Variants in ARSB observed in about 807,000 individuals in gnomAD.
The protein encoded by ARSB is arylsulfatase B, also known as N-acetylgalactosamine-4-sulfatase.
Under a neutral mutation model 50.9 loss-of-function variants are expected in ARSB, and 41 were observed. That is an observed-to-expected ratio of 0.81 (90% CI 0.63 to 1.04). The LOEUF is 1.04. Among genes scored for constraint, ARSB ranks in the 50% least tolerant of loss-of-function variants. The probability of loss-of-function intolerance (pLI) is 0.00; values close to 1 mark genes in which losing one functional copy is unlikely to be tolerated. For synonymous variants in ARSB, 269 were observed against 284.8 expected (o/e 0.94, Z 0.56); for missense variants, 672 against 693.3 (o/e 0.97, Z 0.35).
intron 6 of ARSB, among the ~76,000 whole-genome samples, chr5:78,808,840 C>T (rs977227581): frequency 1.1e-4 from 17 of 152,202 alleles, no homozygotes; most frequent in African/African-American, 3.6e-4. Context: ...CCTGGGCTCC[C>T]TCTGCTCGGG....
At chr5:78,851,272 C>T (rs1380602198) in intron 5 of ARSB, among the ~76,000 whole-genome samples, 2 of 152,184 alleles carry the variant, frequency 1.3e-5, no homozygotes, top group South Asian at 2.1e-4. Context: ...TTTGTTCTCG[C>T]TGGTTTCAAA....
At chr5:78,844,355 A>G (rs1180250240) in intron 5 of ARSB, among the ~76,000 whole-genome samples, 1 of 152,100 alleles carries the variant, frequency 6.6e-6, no homozygotes, top group Non-Finnish European at 1.5e-5. Context: ...AGAAATGTCT[A>G]TTCAGATCAT....
Position 78,805,781 on chromosome 5 carries a change from T to C in ARSB, c.1214-23807A>G, listed in dbSNP as rs113139193. Among the ~76,000 whole-genome samples the C allele has an allele frequency of 6.5e-3, 994 of 152,310 alleles. 13 individuals are homozygous for C. The highest frequency in any genetic ancestry group is 0.022 in the African/African-American group (895 of 41,572). On this transcript the variant is annotated intron_variant, in intron 6 of 7. Coordinates refer to ENST00000264914, the MANE Select transcript of ARSB (RefSeq NM_000046.5). The stretch of plus-strand genomic sequence containing the variant: ...TCGACTGAGCAGCCGGGTGGCTCTG[T>C]GGGTTCCGGGGCACAGTCACACTTA...
intron 5 of ARSB, among the ~76,000 whole-genome samples, chr5:78,856,402 A>G (rs1746144318): frequency 1.3e-5 from 2 of 152,260 alleles, no homozygotes; most frequent in Non-Finnish European, 2.9e-5. Context: ...CTGGTTTCCC[A>G]GAAAGTATCT....
At chr5:78,804,780 G>A (rs1045721736) in intron 6 of ARSB, among the ~76,000 whole-genome samples, 1 of 152,136 alleles carries the variant, frequency 6.6e-6, no homozygotes, top group African/African-American at 2.4e-5. Flanking sequence ...CCCAGCTCCC[G>A]GACAGTGGCC....
At chr5:78,865,779 T>C (rs1343475724) in intron 5 of ARSB, among the ~76,000 whole-genome samples, 2 of 152,142 alleles carry the variant, frequency 1.3e-5, no homozygotes, top group Non-Finnish European at 2.9e-5. Context: ...ATCATCTCTC[T>C]CAAATTCAAA....
At chr5:78,799,098 C>T (rs746071148) in intron 6 of ARSB, among the ~76,000 whole-genome samples, 1 of 152,166 alleles carries the variant, frequency 6.6e-6, no homozygotes, top group Non-Finnish European at 1.5e-5. Flanking sequence ...TTTCTCTTTC[C>T]AATGAAAACT....
intron 6 of ARSB, among the ~76,000 whole-genome samples, chr5:78,792,688 A>G (rs1743012215): frequency 1.3e-5 from 2 of 152,230 alleles, no homozygotes; most frequent in African/African-American, 4.8e-5. Context: ...CCATAAGTGC[A>G]CGGATTCTGG....
At chr5:78,843,858 C>A (rs1745333814) in intron 5 of ARSB, among the ~76,000 whole-genome samples, 1 of 152,196 alleles carries the variant, frequency 6.6e-6, no homozygotes, top group South Asian at 2.1e-4. Flanking sequence ...TTTCAAGGAT[C>A]ATCAATGTGG....
chr5:78,860,211 T>C (rs1451176133), intron 5 of ARSB, among the ~76,000 whole-genome samples: 3 of 152,180 alleles, frequency 2.0e-5, no homozygotes, highest in Non-Finnish European at 4.4e-5. Context: ...CTGTCTAATG[T>C]TGACAGTGGG....
chr5:78,787,608 G>A (rs901916561), intron 6 of ARSB, among the ~76,000 whole-genome samples: 3 of 152,156 alleles, frequency 2.0e-5, no homozygotes, highest in African/African-American at 7.2e-5. Context: ...AAGTTCCCAA[G>A]GTGAAAGCCA....
chr5:78,830,127 C>T (rs1036984585), intron 6 of ARSB, among the ~76,000 whole-genome samples: 1 of 152,152 alleles, frequency 6.6e-6, no homozygotes, highest in African/African-American at 2.4e-5. Context: ...ACAGGCTACA[C>T]TTGGAAGCTA....
At chr5:78,789,400 A>G (rs963975805) in intron 6 of ARSB, among the ~76,000 whole-genome samples, 4 of 152,248 alleles carry the variant, frequency 2.6e-5, no homozygotes, top group Non-Finnish European at 5.9e-5. Context: ...AGAGAAGAGC[A>G]TGGGTAGAGA....
chr5:78,924,532 T>C (rs1200456038), intron 4 of ARSB, among the ~76,000 whole-genome samples: 1 of 152,176 alleles, frequency 6.6e-6, no homozygotes, highest in Non-Finnish European at 1.5e-5. Context: ...TCCCACCTTC[T>C]CCCTGTTCCC....
chr5:78,867,535 G>C (rs888187057), intron 5 of ARSB, among the ~76,000 whole-genome samples: 2 of 152,204 alleles, frequency 1.3e-5, no homozygotes, highest in Non-Finnish European at 2.9e-5. Context: ...GCCTAACTGG[G>C]AGGCACCCCC....
At chr5:78,847,586 G>A (rs1444146082) in intron 5 of ARSB, among the ~76,000 whole-genome samples, 2 of 152,146 alleles carry the variant, frequency 1.3e-5, no homozygotes, top group African/African-American at 4.8e-5. Flanking sequence ...TGTGGAATAA[G>A]TTTAGAAGAA....
At chr5:78,950,013 C>T (rs1751431065) in intron 4 of ARSB, among the ~76,000 whole-genome samples, 1 of 152,146 alleles carries the variant, frequency 6.6e-6, no homozygotes, top group Non-Finnish European at 1.5e-5. Flanking sequence ...AATCGGTTTT[C>T]CTAGTCTTAA....
chr5:78,895,880 G>T (rs1748538222), intron 4 of ARSB, among the ~76,000 whole-genome samples: 1 of 152,178 alleles, frequency 6.6e-6, no homozygotes, highest in South Asian at 2.1e-4. Flanking sequence ...CGAAGCTAAA[G>T]GACATGGCTG....
intron 4 of ARSB, among the ~76,000 whole-genome samples, chr5:78,905,577 C>T (rs1749023761): frequency 6.6e-6 from 1 of 152,000 alleles, no homozygotes; most frequent in African/African-American, 2.4e-5. Context: ...TTTGGGTTTG[C>T]CCAGCGCATG....
Sources: gnomAD v4.1 joint callset for allele counts (sites outside exome capture counted in the v4.1 genomes callset) on GRCh38, gnomAD v4.1.1 for gene constraint, MANE v1.5 for transcripts, NCBI Gene and HGNC (gene_info 2026-07-23, HGNC 2026-07-21) for gene names.